DAB1: variants seen among roughly 807,000 people sequenced by gnomAD.
The protein encoded by DAB1 is disabled homolog 1.
DAB1 carries 15 observed loss-of-function variants against 64.6 expected under a neutral mutation model. The observed-to-expected ratio is 0.23, with a 90% CI of 0.16 to 0.36. DAB1 has a LOEUF of 0.36. Ranked by LOEUF, DAB1 falls within the 10% of genes least tolerant of loss-of-function variation. The probability of loss-of-function intolerance (pLI) is 1.00; values close to 1 mark genes in which losing one functional copy is unlikely to be tolerated. For synonymous variants in DAB1, 235 were observed against 251.9 expected, an observed-to-expected ratio of 0.93 and a Z score of 0.64; for missense variants, 596 against 706.7, an observed-to-expected ratio of 0.84 and a Z score of 1.78.
chr1:57,945,971 AT>A (rs1012814026), intron 5 of DAB1, among the ~76,000 whole-genome samples: 4 of 152,332 alleles, frequency 2.6e-5, no homozygotes, highest in African/African-American at 9.6e-5. Flanking sequence ...ACTGGATTAC[AT>A]TCTATCATGT....
chr1:58,371,227 G>T (rs1341351984), intron 3 of DAB1, among the ~76,000 whole-genome samples: 2 of 152,166 alleles, frequency 1.3e-5, no homozygotes, highest in Non-Finnish European at 2.9e-5. Context: ...TTGGGAATTG[G>T]AACAAAGGTG....
intron 3 of DAB1, among the ~76,000 whole-genome samples, chr1:57,140,903 G>T (rs903153476): frequency 6.6e-6 from 1 of 152,196 alleles, no homozygotes; most frequent in African/African-American, 2.4e-5. Context: ...GCCCTGTTCA[G>T]CTCAGGGGTT....
intron 7 of DAB1, among the ~76,000 whole-genome samples, chr1:57,505,038 A>G (rs936356573): frequency 2.0e-5 from 3 of 152,208 alleles, no homozygotes; most frequent in African/African-American, 4.8e-5. Context: ...CAGGAACAGG[A>G]CATTAGGTAA....
intron 1 of DAB1, among the ~76,000 whole-genome samples, chr1:57,341,513 AC>A (rs1423622457): frequency 2.0e-5 from 3 of 152,184 alleles, no homozygotes; most frequent in Non-Finnish European, 4.4e-5. Flanking sequence ...ATTCCTTTTA[AC>A]CCTTCAATTT....
intron 1 of DAB1, among the ~76,000 whole-genome samples, chr1:57,382,385 A>G (rs1681455294): frequency 6.6e-6 from 1 of 152,174 alleles, no homozygotes; most frequent in South Asian, 2.1e-4. Flanking sequence ...TCATTTATCC[A>G]TTCATTCTCA....
At chr1:57,864,338 T>C (rs929261351) in intron 1 of DAB1, 2 of 152,226 alleles carry the variant, frequency 1.3e-5, no homozygotes, top group African/African-American at 4.8e-5. Context: ...TTAAAACTTC[T>C]CTATGTACCA....
intron 5 of DAB1, among the ~76,000 whole-genome samples, chr1:58,072,575 T>C (rs1187527768): frequency 6.6e-6 from 1 of 152,086 alleles, no homozygotes; most frequent in Non-Finnish European, 1.5e-5. Flanking sequence ...AGGAATCAAG[T>C]CAGATAGATC....
intron 5 of DAB1, among the ~76,000 whole-genome samples, chr1:58,125,848 A>C (rs546067006): frequency 6.6e-6 from 1 of 152,280 alleles, no homozygotes; most frequent in African/African-American, 2.4e-5. Context: ...AGAAAGGTAA[A>C]GAAATACAGA....
At chr1:58,492,377 A>G (rs562094370) in intron 3 of DAB1, among the ~76,000 whole-genome samples, 219 of 152,214 alleles carry the variant, frequency 1.4e-3, no homozygotes, top group Non-Finnish European at 2.5e-3. Context: ...GAGCAAACAC[A>G]TTCAAAAGCT....
intron 7 of DAB1, among the ~76,000 whole-genome samples, chr1:57,449,689 C>CT (rs1686280121): frequency 6.6e-6 from 1 of 152,088 alleles, no homozygotes; most frequent in South Asian, 2.1e-4. Flanking sequence ...ATTTTAATCT[C>CT]TTTTTTACCT....
chr1:57,436,568 T>C (rs1049730435), intron 7 of DAB1, among the ~76,000 whole-genome samples: 1 of 152,192 alleles, frequency 6.6e-6, no homozygotes, highest in Non-Finnish European at 1.5e-5. Context: ...ACCCGTAATA[T>C]AAACAAGATG....
intron 4 of DAB1, among the ~76,000 whole-genome samples, chr1:58,224,141 A>G (rs1446120184): frequency 7.9e-5 from 12 of 152,316 alleles, no homozygotes; most frequent in Admixed American, 7.8e-4. Context: ...CAGACAAACC[A>G]GGTTCAAATC....
chr1:57,607,160 T>A (rs1167666919), intron 7 of DAB1, among the ~76,000 whole-genome samples: 1 of 152,138 alleles, frequency 6.6e-6, no homozygotes, highest in Non-Finnish European at 1.5e-5. Flanking sequence ...GGAATTTTAT[T>A]TAAATTAAAT....
chr1:58,161,616 G>T (rs1051601124), intron 4 of DAB1, among the ~76,000 whole-genome samples: 1 of 152,070 alleles, frequency 6.6e-6, no homozygotes, highest in Non-Finnish European at 1.5e-5. Flanking sequence ...ATATTTAAAA[G>T]ATATAGATAC....
Position 57,215,531 on chromosome 1 carries a change from G to A in DAB1, c.68-70102C>T, listed in dbSNP as rs141914545. 2.5e-3 allele frequency among the ~76,000 whole-genome samples: 375 copies of A among 152,256 alleles called. 2 individuals carry two copies. The East Asian group carries it at 0.037, about 15-fold the overall frequency. On this transcript the variant is annotated intron_variant, in intron 2 of 14. Transcript: ENST00000371236. ...CACAGTCTTTGAGTTTGAAAAAAAC[G>A]TCTTTGTGTTGGACCGTGAATTTTG...
At chr1:58,056,605 G>T in intron 5 of DAB1, 2 of 674,858 alleles carry the variant, frequency 3.0e-6, no homozygotes, top group Non-Finnish European at 5.3e-6. Flanking sequence ...CAATGCCCCA[G>T]TGCAAGCTGT....
intron 7 of DAB1, among the ~76,000 whole-genome samples, chr1:57,480,664 T>C (rs1023127088): frequency 2.0e-5 from 3 of 152,072 alleles, no homozygotes; most frequent in Non-Finnish European, 4.4e-5. Flanking sequence ...TTTGTATTTT[T>C]AGTAGAGACA....
At chr1:58,140,491 C>T (rs142596513) in intron 5 of DAB1, among the ~76,000 whole-genome samples, 1 of 152,218 alleles carries the variant, frequency 6.6e-6, no homozygotes, top group East Asian at 1.9e-4. Flanking sequence ...AGTGAAATTG[C>T]TTCCCTTTGC....
intron 2 of DAB1, among the ~76,000 whole-genome samples, chr1:58,527,005 C>T (rs11799415): frequency 0.12 from 17,701 of 152,038 alleles, 1,227 homozygotes; most frequent in African/African-American, 0.18. Flanking sequence ...TTAATAGAAC[C>T]TGATAATTAC....
Sources: gnomAD v4.1 joint callset for allele counts (sites outside exome capture counted in the v4.1 genomes callset) on GRCh38, gnomAD v4.1.1 for gene constraint, MANE v1.5 for transcripts, NCBI Gene and HGNC (gene_info 2026-07-23, HGNC 2026-07-21) for gene names.